The following GAB1 variants were observed in gnomAD, a reference collection of about 807,000 sequenced individuals.
GAB1 encodes GRB2-associated-binding protein 1.
In GAB1, 19 loss-of-function variants were observed where a neutral mutation model predicts 66.5. That is an observed-to-expected ratio of 0.29 (90% CI 0.20 to 0.42). The LOEUF (loss-of-function observed/expected upper bound fraction) is 0.42, where lower values mean the gene tolerates loss of function less well. Ranked by LOEUF, GAB1 falls within the 10% of genes least tolerant of loss-of-function variation. The pLI is 1.00. For synonymous variants in GAB1, 294 were observed against 301.4 expected, an observed-to-expected ratio of 0.98 and a Z score of 0.25; for missense variants, 732 against 858.5, an observed-to-expected ratio of 0.85 and a Z score of 1.84.
chr4:143,365,506 G>A (rs1026836777), intron 1 of GAB1, among the ~76,000 whole-genome samples: 2 of 152,102 alleles, frequency 1.3e-5, no homozygotes, highest in Admixed American at 1.3e-4. Context: ...CATGAAAGGG[G>A]GATTGGGGGA....
chr4:143,365,281 A>G (rs1729836399), intron 1 of GAB1, among the ~76,000 whole-genome samples: 1 of 151,988 alleles, frequency 6.6e-6, no homozygotes, highest in Non-Finnish European at 1.5e-5. Flanking sequence ...AACATTACTA[A>G]TATTCTTTTC....
chr4:143,384,704 C>T (rs977744905), intron 1 of GAB1, among the ~76,000 whole-genome samples: 1 of 152,228 alleles, frequency 6.6e-6, no homozygotes, highest in Non-Finnish European at 1.5e-5. Flanking sequence ...TTTTTGCAGG[C>T]TCTGTTCAGT....
In GAB1 at chr4:143,391,162, A is replaced by G. The variant is rs541436654; in HGVS notation, c.73-24315A>G. ...ACAGTGCTTAATAAATGCAACCATT[A>G]TGTATTTATTTAAAAATAACATTTC... On this transcript the variant is annotated intron_variant, in intron 1 of 9. Transcript: ENST00000262994. Among the ~76,000 whole-genome samples, 3 of 152,280 alleles carry G rather than the reference A, an allele frequency of 2.0e-5. No individual in the cohort carries two copies. The South Asian group carries it at 6.2e-4, about 32-fold the overall frequency.
chr4:143,421,218 A>G (rs898588203), intron 2 of GAB1, among the ~76,000 whole-genome samples: 5 of 152,150 alleles, frequency 3.3e-5, no homozygotes, highest in Non-Finnish European at 7.4e-5. Context: ...AGATTCATCC[A>G]TGTTGTAGCA....
intron 1 of GAB1, among the ~76,000 whole-genome samples, chr4:143,359,404 C>A (rs1040507896): frequency 2.0e-5 from 3 of 152,076 alleles, no homozygotes; most frequent in African/African-American, 7.2e-5. Flanking sequence ...TGTCTTTACC[C>A]AATATGAAAA....
At chr4:143,426,967 T>C (rs2149736782) in intron 2 of GAB1, among the ~76,000 whole-genome samples, 1 of 152,332 alleles carries the variant, frequency 6.6e-6, no homozygotes, top group South Asian at 2.1e-4. Context: ...AGAACTTTGC[T>C]CTGTAGTTCA....
At chr4:143,346,400 C>T (rs539399580) in intron 1 of GAB1, among the ~76,000 whole-genome samples, 3 of 152,198 alleles carry the variant, frequency 2.0e-5, no homozygotes, top group African/African-American at 4.8e-5. Flanking sequence ...GAAAGAATTA[C>T]CTGCCTGTGT....
chr4:143,365,038 T>C (rs937490946), intron 1 of GAB1, among the ~76,000 whole-genome samples: 5 of 151,620 alleles, frequency 3.3e-5, no homozygotes, highest in Admixed American at 6.6e-5. Context: ...CCACCACGCC[T>C]GGCTAATTTT....
chr4:143,467,456 G>A lies in GAB1; in HGVS notation c.1926+1231G>A, dbSNP rs1390682413. Among the ~76,000 whole-genome samples the A allele has an allele frequency of 3.3e-5, 5 of 152,122 alleles. 1 individual carries two copies. In the South Asian group the frequency reaches 6.2e-4, roughly 19 times the overall value. On this transcript the variant is annotated intron_variant, in intron 9 of 9. Coordinates refer to ENST00000262994, the MANE Select transcript of GAB1 (RefSeq NM_002039.4). ...AAGTCTCAGTCACTATTCAAATATT[G>A]CTTTTCCATTTCTAAAATGAAATTC...
intron 1 of GAB1, among the ~76,000 whole-genome samples, chr4:143,414,328 C>G (rs1732565501): frequency 6.6e-6 from 1 of 152,114 alleles, no homozygotes; most frequent in African/African-American, 2.4e-5. Context: ...GGCTGTTTGT[C>G]ATTTGGTTCT....
At position 143,336,942 on chromosome 4, in the gene GAB1, G is replaced by A. The variant is rs905853209; in HGVS notation, c.-247G>A. 2 of 478,482 alleles carry A rather than the reference G, an allele frequency of 4.2e-6. No homozygotes were observed. Among genetic ancestry groups the A allele is most frequent in the Middle Eastern group, 5.6e-4 (1 of 1,794 alleles). 29.6% of individuals were successfully genotyped at this position (478,482 alleles called of 1,614,324 possible). The stretch of plus-strand genomic sequence containing the variant: ...GACGGCACGTCTGGAGGCGAGGCGG[G>A]CGCACTGAAAGGAGGCCGGCGCGCC... On this transcript the variant is annotated 5_prime_UTR_variant, in exon 1 of 10. Transcript: ENST00000262994.
intron 6 of GAB1, among the ~76,000 whole-genome samples, chr4:143,445,970 AGT>A (rs1231490904): frequency 1.3e-5 from 2 of 151,774 alleles, no homozygotes; most frequent in Non-Finnish European, 2.9e-5. Context: ...CAGTCCCCAG[AGT>A]GTGATGTTCC....
intron 1 of GAB1, among the ~76,000 whole-genome samples, chr4:143,364,234 T>A (rs1381884671): frequency 6.6e-6 from 1 of 151,884 alleles, no homozygotes; most frequent in African/African-American, 2.4e-5. Flanking sequence ...TCTCTCTGTC[T>A]GTTATTTTGT....
intron 1 of GAB1, among the ~76,000 whole-genome samples, chr4:143,352,069 C>T (rs1380123533): frequency 6.6e-6 from 1 of 152,164 alleles, no homozygotes; most frequent in African/African-American, 2.4e-5. Context: ...ATTCTCTCTC[C>T]AAGGATCTGT....
In GAB1 at chr4:143,342,719, G is replaced by A. The variant is rs191449793; in HGVS notation, c.72+5459G>A. Among the ~76,000 whole-genome samples the A allele has an allele frequency of 5.5e-4, 83 of 151,496 alleles. 2 individuals carry two copies. In the East Asian group the frequency reaches 8.6e-3, roughly 16 times the overall value. On this transcript the variant is annotated intron_variant, in intron 1 of 9. Transcript: ENST00000262994. ...ATTACAGGCTCCTGCCACCACGCCC[G>A]GCAAATTTTTTTTTTGTATTTTTAG...
chr4:143,386,137 A>T (rs1730895707), intron 1 of GAB1, among the ~76,000 whole-genome samples: 1 of 152,082 alleles, frequency 6.6e-6, no homozygotes, highest in Non-Finnish European at 1.5e-5. Context: ...GTGATAAATA[A>T]ATAAAAATTA....
intron 6 of GAB1, among the ~76,000 whole-genome samples, chr4:143,454,636 A>T (rs573097076): frequency 1.3e-5 from 2 of 152,214 alleles, no homozygotes; most frequent in Non-Finnish European, 2.9e-5. Flanking sequence ...TTAGGGTTGC[A>T]GCAGGTTGTT....
intron 1 of GAB1, among the ~76,000 whole-genome samples, chr4:143,384,094 T>C (rs982264043): frequency 6.6e-6 from 1 of 152,022 alleles, no homozygotes; most frequent in African/African-American, 2.4e-5. Context: ...AAAAAAGATA[T>C]GTGAAATTAA....
At chr4:143,339,879 A>G (rs1222373793) in intron 1 of GAB1, among the ~76,000 whole-genome samples, 2 of 152,156 alleles carry the variant, frequency 1.3e-5, no homozygotes, top group Non-Finnish European at 1.5e-5. Context: ...AGCTTGGGAG[A>G]AACTAGGATT....
Sources: allele counts gnomAD v4.1 joint callset (sites outside exome capture counted in the v4.1 genomes callset), GRCh38; gene constraint gnomAD v4.1.1; transcripts MANE v1.5; gene names NCBI Gene and HGNC (gene_info 2026-07-23, HGNC 2026-07-21).